Variants in ADAMTS9 observed in about 807,000 individuals in gnomAD.
ADAMTS9 encodes A disintegrin and metalloproteinase with thrombospondin motifs 9.
Under a neutral mutation model 257.1 loss-of-function variants are expected in ADAMTS9, and 107 were observed. The ratio of observed to expected loss-of-function variants is 0.42; its 90% CI spans 0.36 to 0.49. The LOEUF (loss-of-function observed/expected upper bound fraction) is 0.49. ADAMTS9 is among the 20% of genes least tolerant of loss of function. The pLI is 0.03. For missense variants in ADAMTS9, 2,353 were observed against 2,469.1 expected (o/e 0.95, Z 1.00); for synonymous variants, 982 against 880.9 (o/e 1.11, Z -2.03).
At chr3:64,592,242 A>G (rs2084276834) in intron 28 of ADAMTS9, 1 of 152,232 alleles carries the variant, frequency 6.6e-6, no homozygotes, top group Non-Finnish European at 1.5e-5. Flanking sequence ...TATTTGAATA[A>G]TGATCACTTT....
Position 64,568,544 on chromosome 3 carries a change from T to C in ADAMTS9, c.4357-9A>G, listed in dbSNP as rs777463478. 12 of 1,610,656 alleles carry C rather than the reference T, an allele frequency of 7.5e-6. No homozygotes were observed. The highest frequency in any genetic ancestry group is 2.2e-5 in the South Asian group (2 of 90,034). On this transcript the variant is annotated splice_polypyrimidine_tract_variant and intron_variant, in intron 28 of 39. Transcript: ENST00000498707. ...CCACAAGAGACAGAACACTGCAATATAAAGCAATGGCAAGGTTGTTGTTGT... is the reference window on the plus strand; with the variant it reads ...CCACAAGAGACAGAACACTGCAATACAAAGCAATGGCAAGGTTGTTGTTGT...
chr3:64,530,549 A>T (rs1375281885), intron 38 of ADAMTS9, among the ~76,000 whole-genome samples: 3 of 147,436 alleles, frequency 2.0e-5, no homozygotes, highest in Non-Finnish European at 4.4e-5. Context: ...AAAAAAAAAA[A>T]TGCCGACAGG....
chr3:64,561,743 C>G lies in ADAMTS9; in HGVS notation c.4533G>C (p.Val1511=). 6.3e-7 allele frequency: 1 copy of G among 1,587,986 alleles called. No individual in the cohort carries two copies. The highest frequency in any genetic ancestry group is 1.1e-5 in the South Asian group (1 of 90,604). ...TCTGCTGTACGCCTCGGCCACAGGA[C>G]ACAGAGCACTAAGAAGACAGAGAAC... ...WKAGAWSQCS[V]SCGRGVQQRH... Residue 1511 remains valine (V), a synonymous_variant, in exon 30 of 40, where the codon GTG becomes GTC. Coordinates refer to ENST00000498707, the MANE Select transcript of ADAMTS9 (RefSeq NM_182920.2).
chr3:64,642,532 G>C (rs1163588134), intron 11 of ADAMTS9, among the ~76,000 whole-genome samples: 1 of 152,150 alleles, frequency 6.6e-6, no homozygotes, highest in Non-Finnish European at 1.5e-5. Context: ...ACACACTACA[G>C]AGAGCCCTAA....
At position 64,601,969 on chromosome 3, in the gene ADAMTS9, T is replaced by C. The variant is rs759613277; in HGVS notation, c.3992A>G (p.Gln1331Arg). ...TGCTCCCCAGGGGCCAGTTCTCCAC[T>C]GGTTTCCACCGAGCACATGGGTGCG... ...PSRTHVLGGN[Q>R]WRTGPWGACS... is the part of the protein sequence containing the mutation. The change falls in exon 26 of 40, where the codon CAG becomes CGG. Residue 1331 changes from glutamine to arginine, a missense_variant. Gln to Arg is a conservative substitution (Grantham distance 43). This residue lies in a region of ADAMTS9 where 1,402 missense variants were observed against 1,441.4 expected (regional missense o/e 0.97). Coordinates refer to ENST00000498707, the MANE Select transcript of ADAMTS9 (RefSeq NM_182920.2). The C allele has an allele frequency of 6.8e-6, 11 of 1,611,230 alleles. No individual in the cohort carries two copies. The East Asian group carries it at 2.2e-4, about 33-fold the overall frequency.
intron 29 of ADAMTS9, 99 bp from the exon 30 acceptor site, chr3:64,561,850 T>C: frequency 9.8e-7 from 1 of 1,017,746 alleles, no homozygotes; most frequent in Non-Finnish European, 1.5e-6. Context: ...GCACTCCTAA[T>C]CCAATGACTT....
chr3:64,558,402 A>G (rs2083370008), intron 30 of ADAMTS9, among the ~76,000 whole-genome samples: 1 of 152,216 alleles, frequency 6.6e-6, no homozygotes, highest in African/African-American at 2.4e-5. Flanking sequence ...AATACTCAAC[A>G]TAGTGCCTAG....
At chr3:64,629,875 G>T (rs1031423943) in intron 16 of ADAMTS9, among the ~76,000 whole-genome samples, 1 of 152,202 alleles carries the variant, frequency 6.6e-6, no homozygotes, top group African/African-American at 2.4e-5. Flanking sequence ...CTTAGCTGAA[G>T]GCTCACTGTC....
At chr3:64,620,514 A>T (rs932849018) in intron 19 of ADAMTS9, among the ~76,000 whole-genome samples, 25 of 152,254 alleles carry the variant, frequency 1.6e-4, no homozygotes, top group Admixed American at 1.6e-3. Context: ...TTTCAATATG[A>T]CACAGTCAAC....
chr3:64,632,204 A>G (rs1256299653), intron 14 of ADAMTS9, among the ~76,000 whole-genome samples: 1 of 152,192 alleles, frequency 6.6e-6, no homozygotes, highest in Non-Finnish European at 1.5e-5. Context: ...AGGATTCCTC[A>G]GGTGCTTCAT....
At chr3:64,527,302 A>G (rs879896618) in intron 38 of ADAMTS9, among the ~76,000 whole-genome samples, 2 of 152,234 alleles carry the variant, frequency 1.3e-5, no homozygotes, top group Admixed American at 1.3e-4. Flanking sequence ...TCCATTAAGA[A>G]TAGTTTGTAT....
chr3:64,517,416 G>GTTTTTTT (rs755480110), intron 39 of ADAMTS9, among the ~76,000 whole-genome samples: 1,372 of 52,484 alleles, frequency 0.026, 240 homozygotes, highest in East Asian at 0.057. Context: ...ATTAAAAATG[G>GTTTTTTT]TTTTTTTTTT....
intron 3 of ADAMTS9, among the ~76,000 whole-genome samples, chr3:64,679,439 G>C (rs911611400): frequency 6.6e-6 from 1 of 152,178 alleles, no homozygotes; most frequent in Admixed American, 6.5e-5. Context: ...TTATACAACA[G>C]AGTTAGGAAT....
At chr3:64,584,019 T>C (rs995555505) in intron 28 of ADAMTS9, 3 of 152,196 alleles carry the variant, frequency 2.0e-5, no homozygotes, top group Non-Finnish European at 4.4e-5. Context: ...GGGGCTCGGA[T>C]ATGTTACGTC....
intron 3 of ADAMTS9, among the ~76,000 whole-genome samples, chr3:64,661,698 A>G (rs772964850): frequency 6.6e-5 from 10 of 152,172 alleles, no homozygotes; most frequent in Non-Finnish European, 1.2e-4. Flanking sequence ...TGCCTGGTGG[A>G]TATTTTCACG....
At chr3:64,588,124 G>A (rs545641074) in intron 28 of ADAMTS9, 6 of 152,252 alleles carry the variant, frequency 3.9e-5, no homozygotes, top group Admixed American at 1.3e-4. Flanking sequence ...CCAGTTGCAC[G>A]TTTAAAAGCA....
chr3:64,594,673 T>A (rs2084329373), intron 27 of ADAMTS9, among the ~76,000 whole-genome samples: 1 of 152,244 alleles, frequency 6.6e-6, no homozygotes, highest in South Asian at 2.1e-4. Context: ...GACTTTTGCA[T>A]ATATTATCTA....
At chr3:64,679,053 T>C (rs1701691843) in intron 3 of ADAMTS9, among the ~76,000 whole-genome samples, 1 of 152,208 alleles carries the variant, frequency 6.6e-6, no homozygotes, top group African/African-American at 2.4e-5. Flanking sequence ...TAATAACGAC[T>C]GGAACCAAAA....
chr3:64,601,660 C>T (rs867719678), intron 26 of ADAMTS9, among the ~76,000 whole-genome samples: 2 of 152,222 alleles, frequency 1.3e-5, no homozygotes, highest in Middle Eastern at 3.4e-3. Context: ...CAGGATGAAT[C>T]CTGATGGTAT....
Sources: gnomAD v4.1 joint callset for allele counts (sites outside exome capture counted in the v4.1 genomes callset) on GRCh38, gnomAD v4.1.1 for gene constraint, gnomAD v4.1.1 regional missense constraint, MANE v1.5 for transcripts, NCBI Gene and HGNC (gene_info 2026-07-23, HGNC 2026-07-21) for gene names.